The following FRMD8 variants were observed in gnomAD, a reference collection of about 807,000 sequenced individuals.
The protein encoded by FRMD8 is FERM domain containing 8.
FRMD8 carries 37 observed loss-of-function variants against 54.2 expected under a neutral mutation model. The ratio of observed to expected loss-of-function variants is 0.68; its 90% CI spans 0.53 to 0.90. The LOEUF is 0.90. FRMD8 is among the 40% of genes least tolerant of loss of function. The pLI, the probability that FRMD8 is intolerant of heterozygous loss-of-function variation, is 0.00. For synonymous variants in FRMD8, 246 were observed against 286.9 expected (o/e 0.86, Z 1.44); for missense variants, 585 against 653.7 (o/e 0.89, Z 1.15).
At chr11:65,386,791 C>T (rs1278815750) in intron 1 of FRMD8, 30 bp downstream of exon 1, 59 of 544,872 alleles carry the variant, frequency 1.1e-4, no homozygotes, top group Non-Finnish European at 1.4e-4. Context: ...TGGCCCGGGC[C>T]TCCGTCCCCG....
At chr11:65,393,440 G>A (rs1452239926) in intron 3 of FRMD8, 133 bp from the exon 4 acceptor site, 1 of 630,520 alleles carries the variant, frequency 1.6e-6, no homozygotes, top group Non-Finnish European at 2.8e-6. Flanking sequence ...CAGAGTAAAT[G>A]GCTCTGGACC....
chr11:65,402,009 G>A (rs539719654), intron 9 of FRMD8, among the ~76,000 whole-genome samples: 2 of 152,056 alleles, frequency 1.3e-5, no homozygotes, highest in South Asian at 2.1e-4. Context: ...CAATGTTCAT[G>A]TTCGTGTTTA....
intron 1 of FRMD8, 45 bp from the exon 2 acceptor site, chr11:65,386,992 C>T: frequency 6.5e-7 from 1 of 1,548,124 alleles, no homozygotes; most frequent in Non-Finnish European, 8.8e-7. Context: ...CTCCAGCCCC[C>T]CATCCCTGGC....
rs1016924646 is a variant in FRMD8 at position 65,397,043 on chromosome 11, C to T, written c.803+23C>T. The T allele has an allele frequency of 8.4e-6, 11 of 1,303,128 alleles. No individual in the cohort carries two copies. The African/African-American group carries it at 1.1e-4, about 13-fold the overall frequency. 80.7% of individuals were successfully genotyped at this position (1,303,128 alleles called of 1,614,324 possible). A position where few individuals can be genotyped will look rare whatever the true frequency, so the allele number is the denominator to read the frequency against. On this transcript the variant is annotated intron_variant, in intron 7 of 10. Coordinates refer to ENST00000317568, the MANE Select transcript of FRMD8 (RefSeq NM_031904.5). The stretch of plus-strand genomic sequence containing the variant: ...TGGGTAAGAGCCACAGCCCCGCGGT[C>T]CCCCACCCCCTCCGCAGGCTGTTCT...
At chr11:65,410,066 CA>C (rs200413195) in intron 10 of FRMD8, among the ~76,000 whole-genome samples, 21 of 146,012 alleles carry the variant, frequency 1.4e-4, no homozygotes, top group Non-Finnish European at 2.6e-4. Flanking sequence ...CAGCTTGTCT[CA>C]AAAAAAAAAC....
rs956064750 is a variant in FRMD8 at position 65,404,608 on chromosome 11, G to C, written c.1072-256G>C. ...TTCTGCCCATGGAGTCAGCCTTCCT[G>C]GGCTGTGCCTTCTGACCAGAATGTT... On this transcript the variant is annotated intron_variant, in intron 9 of 10. Transcript: ENST00000317568. The surrounding 1 kb of genome is among the most constrained non-coding windows in gnomAD (Gnocchi z 4.7). Among the ~76,000 whole-genome samples, 16 of 149,224 alleles carry C rather than the reference G, an allele frequency of 1.1e-4. No individual in the cohort carries two copies. Among genetic ancestry groups the C allele is most frequent in the African/African-American group, 4.0e-4 (16 of 40,292 alleles).
chr11:65,382,182 G>A (rs1488345709), upstream of FRMD8: 8 of 575,320 alleles, frequency 1.4e-5, no homozygotes, highest in Non-Finnish European at 1.9e-5. This position sits in a 1 kb window ranked among gnomAD's most constrained non-coding sequence, Gnocchi z 4.4. Context: ...CGGGCCAGGC[G>A]TGCCGGGACC....
intron 9 of FRMD8, among the ~76,000 whole-genome samples, chr11:65,402,048 G>T (rs1485274319): frequency 1.3e-5 from 2 of 151,982 alleles, no homozygotes; most frequent in East Asian, 3.9e-4. Flanking sequence ...GGTGTCGTTT[G>T]TTGAAAAGAC....
At chr11:65,379,178 C>G in the FRMD8 span, 1 of 616,882 alleles carries the variant, frequency 1.6e-6, no homozygotes, top group Non-Finnish European at 2.8e-6. Context: ...CACCAGCTGT[C>G]TCTGCCTTTT....
chr11:65,370,427 C>T, the FRMD8 span, among the ~76,000 whole-genome samples: 1 of 151,734 alleles, frequency 6.6e-6, no homozygotes, highest in South Asian at 2.1e-4. Context: ...CTGGGCCAGG[C>T]GCGGTGGCTC....
At chr11:65,407,119 C>T (rs989917057) in intron 10 of FRMD8, among the ~76,000 whole-genome samples, 2 of 152,116 alleles carry the variant, frequency 1.3e-5, no homozygotes, top group South Asian at 2.1e-4. Flanking sequence ...ATGCTGTCAT[C>T]GGGAGAAGTT....
intron 3 of FRMD8, among the ~76,000 whole-genome samples, chr11:65,390,736 G>T (rs1855828267): frequency 6.6e-6 from 1 of 152,212 alleles, no homozygotes; most frequent in Non-Finnish European, 1.5e-5. Flanking sequence ...AAAGCTGGGG[G>T]TACAGTTCTG....
In FRMD8 at chr11:65,404,721, C is replaced by T; in HGVS notation, c.1072-143C>T. On this transcript the variant is annotated intron_variant, in intron 9 of 10. Transcript: ENST00000317568. This position sits in a 1 kb window ranked among gnomAD's most constrained non-coding sequence, Gnocchi z 4.7. ...CACAGTCACCCAAGTGGGACACCTC[C>T]CCTGCCTCCCTGCTCCCTCCCTCCT... 1.5e-6 allele frequency: 1 copy of T among 672,400 alleles called. No individual in the cohort carries two copies. Among genetic ancestry groups the T allele is most frequent in the Admixed American group, 2.8e-5 (1 of 35,742 alleles). 41.7% of individuals were successfully genotyped at this position (672,400 alleles called of 1,614,324 possible). A position where few individuals can be genotyped will look rare whatever the true frequency, so the allele number is the denominator to read the frequency against.
chr11:65,409,311 T>G (rs780033532), intron 10 of FRMD8, among the ~76,000 whole-genome samples: 1 of 152,030 alleles, frequency 6.6e-6, no homozygotes, highest in Non-Finnish European at 1.5e-5. Flanking sequence ...GGTCTCGAAC[T>G]CCTGACCTCA....
At chr11:65,381,288 G>A in the FRMD8 span, 33 of 153,562 alleles carry the variant, frequency 2.1e-4, no homozygotes, top group Non-Finnish European at 3.8e-4. Flanking sequence ...GCGCCACCGC[G>A]CCTGGCTAAT....
At chr11:65,399,934 G>C in intron 8 of FRMD8, 75 bp downstream of exon 8, 1 of 1,524,510 alleles carries the variant, frequency 6.6e-7, no homozygotes, top group Non-Finnish European at 8.8e-7. Flanking sequence ...GTTCCTCTGG[G>C]CCTGTGGGGG....
At chr11:65,376,581 C>T in the FRMD8 span, 1 of 1,614,176 alleles carries the variant, frequency 6.2e-7, no homozygotes, top group Non-Finnish European at 8.5e-7. Flanking sequence ...TCAGTCCATC[C>T]ATCTGCATCC....
intron 9 of FRMD8, among the ~76,000 whole-genome samples, chr11:65,401,218 G>T (rs1416573989): frequency 6.6e-6 from 1 of 151,986 alleles, no homozygotes; most frequent in Non-Finnish European, 1.5e-5. Context: ...TGCGGTGGGC[G>T]TGGAAACGTT....
chr11:65,376,708 A>T, the FRMD8 span: 1 of 1,613,186 alleles, frequency 6.2e-7, no homozygotes, highest in East Asian at 2.2e-5. Flanking sequence ...CAGGGGTCAG[A>T]CCCAGAACAG....
Sources: gnomAD v4.1 joint callset for allele counts (sites outside exome capture counted in the v4.1 genomes callset) on GRCh38, gnomAD v4.1.1 for gene constraint, Gnocchi (gnomAD v3.1) non-coding constraint, MANE v1.5 for transcripts, NCBI Gene and HGNC (gene_info 2026-07-23, HGNC 2026-07-21) for gene names.